The following CHERP variants were observed in gnomAD, a reference collection of about 807,000 sequenced individuals.
The protein encoded by CHERP is calcium homeostasis endoplasmic reticulum protein.
CHERP carries 8 observed loss-of-function variants against 113.8 expected under a neutral mutation model. That is an observed-to-expected ratio of 0.07 (90% CI 0.04 to 0.13). CHERP has a LOEUF of 0.13. CHERP is among the 10% of genes least tolerant of loss of function. CHERP has a pLI of 1.00. For missense variants in CHERP, 884 were observed against 1,298.2 expected, an observed-to-expected ratio of 0.68 and a Z score of 4.90; for synonymous variants, 559 against 524.5, an observed-to-expected ratio of 1.07 and a Z score of -0.90.
chr19:16,522,321 T>G (rs541616652), intron 11 of CHERP, among the ~76,000 whole-genome samples: 2 of 149,066 alleles, frequency 1.3e-5, no homozygotes, highest in South Asian at 2.2e-4. Flanking sequence ...TGTAGTGGCG[T>G]GATCTCGGCT....
At chr19:16,526,337 A>C (rs574146310) in intron 9 of CHERP, 1 of 152,538 alleles carries the variant, frequency 6.6e-6, no homozygotes, top group Non-Finnish European at 1.5e-5. Context: ...GCCAATGAGA[A>C]GGCCGGTGTC....
In CHERP at chr19:16,520,770, C is replaced by T; in HGVS notation, c.2201+56G>A. ...GAGTGTATCTGGGGTCTGCTCCCAC[C>T]CATCACAAGCTGTGGACCCTGGCCC... On this transcript the variant is annotated intron_variant, in intron 13 of 16. Coordinates refer to ENST00000546361, the MANE Select transcript of CHERP (RefSeq NM_006387.6). This position sits in a 1 kb window ranked among gnomAD's most constrained non-coding sequence, Gnocchi z 4.0. 6.6e-7 allele frequency: 1 copy of T among 1,513,318 alleles called. No individual in the cohort carries two copies. 93.7% of individuals were successfully genotyped at this position (1,513,318 alleles called of 1,614,324 possible).
At chr19:16,524,810 G>A (rs2085645736) in intron 10 of CHERP, among the ~76,000 whole-genome samples, 2 of 151,544 alleles carry the variant, frequency 1.3e-5, no homozygotes, top group South Asian at 4.2e-4. Flanking sequence ...CCAGGGTGGA[G>A]TACAGTGGTG....
chr19:16,539,795 G>A (rs1439674964), intron 2 of CHERP: 1 of 152,152 alleles, frequency 6.6e-6, no homozygotes, highest in Non-Finnish European at 1.5e-5. Flanking sequence ...TTTCTGACCT[G>A]GGCCAGTTCA....
In CHERP at chr19:16,530,723, CTG is replaced by C. The variant is rs769100467; in HGVS notation, c.786+44_786+45del. Reference sequence around the variant, plus strand: ...CCGGGTCAGTGGGGAGGGGAAAGGCCTGTGTGTCCCGGTCTTGCCCAACCCCC... The same window carrying C: ...CCGGGTCAGTGGGGAGGGGAAAGGCCTGTGTCCCGGTCTTGCCCAACCCCC... On this transcript the variant is annotated intron_variant, in intron 6 of 16. Coordinates refer to ENST00000546361, the MANE Select transcript of CHERP (RefSeq NM_006387.6). The surrounding 1 kb of genome is among the most constrained non-coding windows in gnomAD (Gnocchi z 4.1). The C allele has an allele frequency of 1.2e-5, 19 of 1,614,014 alleles. No homozygotes were observed. The highest frequency in any genetic ancestry group is 1.6e-5 in the Non-Finnish European group (19 of 1,179,942).
rs1254306878 is a variant in CHERP at position 16,518,982 on chromosome 19, C to T, written c.*177G>A. 2 of 647,730 alleles carry T rather than the reference C, an allele frequency of 3.1e-6. No homozygotes were observed. Among genetic ancestry groups the T allele is most frequent in the Admixed American group, 3.1e-5 (1 of 31,904 alleles). 40.1% of individuals were successfully genotyped at this position (647,730 alleles called of 1,614,324 possible). A position where few individuals can be genotyped will look rare whatever the true frequency, so the allele number is the denominator to read the frequency against. ...GTGGGTGGCACCCGTGCCCTCCACGCCATGGAGCACGGCGTTCCCACTGGG... is the reference window on the plus strand; with the variant it reads ...GTGGGTGGCACCCGTGCCCTCCACGTCATGGAGCACGGCGTTCCCACTGGG... On this transcript the variant is annotated 3_prime_UTR_variant, in exon 17 of 17. Coordinates refer to ENST00000546361, the MANE Select transcript of CHERP (RefSeq NM_006387.6).
intron 9 of CHERP, chr19:16,526,104 T>G: frequency 5.5e-6 from 1 of 182,014 alleles, no homozygotes; most frequent in Non-Finnish European, 1.1e-5. Flanking sequence ...TGACACCCCC[T>G]GCCCTGCCTC....
At position 16,530,471 on chromosome 19, in the gene CHERP, G is replaced by A. The variant is rs1239746232; in HGVS notation, c.876+114C>T. On this transcript the variant is annotated intron_variant, in intron 7 of 16. Coordinates refer to ENST00000546361, the MANE Select transcript of CHERP (RefSeq NM_006387.6). This position sits in a 1 kb window ranked among gnomAD's most constrained non-coding sequence, Gnocchi z 4.1. ...CACTGGCTACTCCTAGCACAGGCAG[G>A]GGACATGGGCTCTCTGGCTGCTGGG... 2.2e-6 allele frequency: 2 copies of A among 929,742 alleles called. No homozygotes were observed. Among genetic ancestry groups the A allele is most frequent in the Admixed American group, 3.6e-5 (2 of 55,616 alleles). 57.6% of individuals were successfully genotyped at this position (929,742 alleles called of 1,614,324 possible). A position where few individuals can be genotyped will look rare whatever the true frequency, so the allele number is the denominator to read the frequency against.
rs1313761926 is a variant in CHERP, at chr19:16,520,167, G to A, written c.2444C>T (p.Ser815Phe). Residue 815 changes from serine (S) to phenylalanine (F), a missense_variant, in exon 15 of 17, where the codon TCC (serine) becomes TTC (phenylalanine). Ser to Phe is a radical substitution (Grantham distance 155, BLOSUM62 -2). Transcript: ENST00000546361. This position sits in a 1 kb window ranked among gnomAD's most constrained non-coding sequence, Gnocchi z 4.0. ...YSPGRRRRSR[S>F]RSPTPPSSAG... ...ATCTTACGGCGGGGTGGGGCTCCTG[G>A]ACCGTGACCGGCGTCTTCTTCCTGG... 6.2e-7 allele frequency: 1 copy of A among 1,612,744 alleles called. No individual in the cohort carries two copies. Among genetic ancestry groups the A allele is most frequent in the Non-Finnish European group, 8.5e-7 (1 of 1,179,980 alleles).
intron 8 of CHERP, among the ~76,000 whole-genome samples, chr19:16,528,915 T>C (rs1475191102): frequency 6.6e-6 from 1 of 152,216 alleles, no homozygotes; most frequent in East Asian, 1.9e-4. Context: ...ATCACGCCAC[T>C]GCACTCCAGC....
chr19:16,535,612 T>C lies in CHERP; in HGVS notation c.224A>G (p.Glu75Gly). The C allele has an allele frequency of 6.5e-7, 1 of 1,533,958 alleles. No homozygotes were observed. The highest frequency in any genetic ancestry group is 8.8e-7 in the Non-Finnish European group (1 of 1,141,988). Residue 75 changes from glutamate to glycine, a missense_variant, in exon 3 of 17, where the codon GAG becomes GGG. This residue lies in a region of CHERP where 109 missense variants were observed against 134.2 expected (regional missense o/e 0.81). Coordinates refer to ENST00000546361, the MANE Select transcript of CHERP (RefSeq NM_006387.6). This position sits in a 1 kb window ranked among gnomAD's most constrained non-coding sequence, Gnocchi z 4.3. The stretch of plus-strand genomic sequence containing the variant: ...TGGCATGGTGGCGGCTGGCTCCAGC[T>C]CCGGGGTCTGCTGCTTGCAGATGAC... ...QQLICKQQTP[E>G]LEPAATMPPL... is the part of the protein sequence containing the mutation.
In CHERP at chr19:16,542,369, G is replaced by A. The variant is rs1329072839; in HGVS notation, c.10C>T (p.Pro4Ser). Residue 4 changes from proline (P) to serine (S), a missense_variant, in exon 1 of 17, where the codon CCG (proline) becomes TCG (serine). Pro to Ser is a moderately conservative substitution (Grantham distance 74). Transcript: ENST00000546361. MEM[P>S]LPPDDQELRN... is the part of the protein sequence containing the mutation. ...TGGGTCTCACCATCGGGGGGCAGCG[G>A]CATCTCCATGGCTCCGGCCGCGGGG... The A allele has an allele frequency of 5.0e-6, 7 of 1,389,384 alleles. No homozygotes were observed. Among genetic ancestry groups the A allele is most frequent in the Middle Eastern group, 1.9e-4 (1 of 5,190 alleles). The allele number at this position is 1,389,384 out of a possible 1,614,324, so 86.1% of individuals were successfully genotyped here.
rs749039686 is a variant in CHERP at position 16,521,538 on chromosome 19, G to A, written c.2097C>T (p.His699=). Reference sequence around the variant, plus strand: ...CCCCTTACCTGTTCCTGGGCCTGTCGTGGGACGGGGGGCTGTAGAAGGCCT... The same window carrying A: ...CCCCTTACCTGTTCCTGGGCCTGTCATGGGACGGGGGGCTGTAGAAGGCCT... The part of the protein sequence containing the change: ...AVEAFYSPPS[H]DRPRNSEGWE... The change falls in exon 12 of 17, where the codon CAC becomes CAT. Residue 699 remains histidine, a synonymous_variant. Coordinates refer to ENST00000546361, the MANE Select transcript of CHERP (RefSeq NM_006387.6). 6.9e-6 allele frequency: 11 copies of A among 1,598,488 alleles called. No individual in the cohort carries two copies. In the South Asian group the frequency reaches 7.9e-5, roughly 11 times the overall value.
chr19:16,542,145 G>C, intron 1 of CHERP, 102 bp from the exon 2 acceptor site: 4 of 1,371,184 alleles, frequency 2.9e-6, no homozygotes, highest in South Asian at 1.4e-5. Flanking sequence ...GGACCCCAAG[G>C]GGGTGGGCCC....
intron 2 of CHERP, among the ~76,000 whole-genome samples, chr19:16,536,332 G>C (rs2085741699): frequency 6.6e-6 from 1 of 152,200 alleles, no homozygotes; most frequent in Non-Finnish European, 1.5e-5. Context: ...GGGGCAGGTG[G>C]TGAGGTCTCT....
intron 11 of CHERP, among the ~76,000 whole-genome samples, chr19:16,522,255 C>T (rs559219501): frequency 8.6e-5 from 13 of 151,880 alleles, no homozygotes; most frequent in East Asian, 1.9e-4. Flanking sequence ...GCCCTGGCCT[C>T]CCCAACCCCC....
In CHERP at chr19:16,518,221, G is replaced by A. The variant is rs1178868707; in HGVS notation, c.*938C>T. On this transcript the variant is annotated 3_prime_UTR_variant, in exon 17 of 17. Transcript: ENST00000546361. Reference sequence around the variant, plus strand: ...CTCCTGGCCTCCCCTCCCTTCGGGGGTGTGAAATGAAATGATGGAGTGGAA... The same window carrying A: ...CTCCTGGCCTCCCCTCCCTTCGGGGATGTGAAATGAAATGATGGAGTGGAA... 6.6e-6 allele frequency: 1 copy of A among 152,168 alleles called. No homozygotes were observed. Among genetic ancestry groups the A allele is most frequent in the Non-Finnish European group, 1.5e-5 (1 of 68,082 alleles). The allele number at this position is 152,168 out of a possible 1,614,324, so 9.4% of individuals were successfully genotyped here.
intron 3 of CHERP, among the ~76,000 whole-genome samples, chr19:16,534,573 T>A (rs528531601): frequency 3.3e-5 from 5 of 152,200 alleles, no homozygotes; most frequent in African/African-American, 1.2e-4. Flanking sequence ...CCTCCCAGGT[T>A]GAAGCAATTC....
At chr19:16,531,237 G>T (rs1228848811) in intron 5 of CHERP, among the ~76,000 whole-genome samples, 3 of 152,238 alleles carry the variant, frequency 2.0e-5, no homozygotes, top group Non-Finnish European at 4.4e-5. Flanking sequence ...ATGATGGGCG[G>T]GATGGGACTG....
Sources: gnomAD v4.1 joint callset for allele counts (sites outside exome capture counted in the v4.1 genomes callset) on GRCh38, gnomAD v4.1.1 for gene constraint, gnomAD v4.1.1 regional missense constraint, Gnocchi (gnomAD v3.1) non-coding constraint, MANE v1.5 for transcripts, NCBI Gene and HGNC (gene_info 2026-07-23, HGNC 2026-07-21) for gene names.